Variants in PDS5A observed in about 807,000 individuals in gnomAD.
PDS5A encodes sister chromatid cohesion protein PDS5 homolog A.
Under a neutral mutation model 167.1 loss-of-function variants are expected in PDS5A, and 42 were observed. That is an observed-to-expected ratio of 0.25 (90% CI 0.20 to 0.33). The LOEUF is 0.33. Among genes scored for constraint, PDS5A ranks in the 10% least tolerant of loss-of-function variants. The pLI is 1.00. For synonymous variants in PDS5A, 553 were observed against 554.6 expected (o/e 1.00, Z 0.04); for missense variants, 1,033 against 1,605.9 (o/e 0.64, Z 6.10).
intron 2 of PDS5A, among the ~76,000 whole-genome samples, chr4:39,963,563 T>G (rs1729698508): frequency 6.6e-6 from 1 of 151,290 alleles, no homozygotes; most frequent in African/African-American, 2.4e-5. Flanking sequence ...AATAAACGGT[T>G]GACTGGGCAC....
chr4:39,955,591 ACT>A (rs562136118), intron 2 of PDS5A, among the ~76,000 whole-genome samples: 7 of 151,744 alleles, frequency 4.6e-5, no homozygotes, highest in Non-Finnish European at 1.0e-4. Flanking sequence ...ACAGAGCGAG[ACT>A]CTGTCATAAA....
intron 2 of PDS5A, among the ~76,000 whole-genome samples, chr4:39,951,095 G>A (rs1578810383): frequency 6.6e-6 from 1 of 152,050 alleles, no homozygotes; most frequent in Non-Finnish European, 1.5e-5. Flanking sequence ...GCTTCACTAT[G>A]TTGCCCAGGC....
intron 7 of PDS5A, among the ~76,000 whole-genome samples, chr4:39,919,515 G>A (rs1021615923): frequency 8.6e-5 from 13 of 151,956 alleles, no homozygotes; most frequent in Non-Finnish European, 1.2e-4. Context: ...TGTGGTGGCG[G>A]GTGCCTGTAG....
intron 16 of PDS5A, chr4:39,897,959 T>G: frequency 1.2e-6 from 1 of 802,326 alleles, no homozygotes; most frequent in Non-Finnish European, 1.5e-6. Flanking sequence ...AAGAGAAGAA[T>G]GAAGACAAAA....
intron 5 of PDS5A, 139 bp downstream of exon 5, chr4:39,925,697 T>C: frequency 2.7e-6 from 1 of 366,336 alleles, no homozygotes; most frequent in Non-Finnish European, 5.1e-6. Context: ...GAATTTTTAC[T>C]TTCCCCTTTA....
intron 8 of PDS5A, 106 bp from the exon 9 acceptor site, chr4:39,913,832 C>A: frequency 1.4e-6 from 1 of 697,924 alleles, no homozygotes; most frequent in South Asian, 1.6e-5. Context: ...CTGCTTATAA[C>A]TGTGAGAAGT....
At chr4:39,899,390 G>A (rs1400034037) in intron 14 of PDS5A, among the ~76,000 whole-genome samples, 1 of 152,066 alleles carries the variant, frequency 6.6e-6, no homozygotes, top group East Asian at 1.9e-4. Context: ...AGAAAACTAT[G>A]CCCCCATGAG....
chr4:39,863,285 T>A, intron 24 of PDS5A, 51 bp downstream of exon 24: 2 of 1,358,392 alleles, frequency 1.5e-6, no homozygotes, highest in Non-Finnish European at 2.0e-6. Context: ...AGAAAAGTAA[T>A]GTATTCAACT....
At chr4:39,905,101 A>ATC (rs1723218188) in intron 11 of PDS5A, among the ~76,000 whole-genome samples, 1 of 151,834 alleles carries the variant, frequency 6.6e-6, no homozygotes, top group Non-Finnish European at 1.5e-5. Flanking sequence ...GACTTGGGGA[A>ATC]CTGACTACCC....
chr4:39,912,240 A>T (rs1289334852), intron 9 of PDS5A, among the ~76,000 whole-genome samples: 5 of 152,248 alleles, frequency 3.3e-5, no homozygotes. Context: ...CAGAGACACC[A>T]CTACAGTTAG....
chr4:39,876,311 A>C (rs1263519693), intron 19 of PDS5A, among the ~76,000 whole-genome samples: 2 of 152,216 alleles, frequency 1.3e-5, no homozygotes, highest in Non-Finnish European at 2.9e-5. Flanking sequence ...AATGCGGAGA[A>C]TGAAGAGAAT....
At chr4:39,924,597 G>A (rs1457655336) in intron 5 of PDS5A, among the ~76,000 whole-genome samples, 1 of 152,206 alleles carries the variant, frequency 6.6e-6, no homozygotes, top group Admixed American at 6.5e-5. Flanking sequence ...CAAGCCATTT[G>A]CCACATATGG....
chr4:39,974,112 ACT>A (rs1475506929), intron 2 of PDS5A: 16 of 559,324 alleles, frequency 2.9e-5, no homozygotes, highest in African/African-American at 2.8e-4. Context: ...ACAGAGCGAG[ACT>A]CTGTCTCAAA....
Position 39,823,226 on chromosome 4 carries a change from T to TA in PDS5A, c.*2258dup, listed in dbSNP as rs777860343. On this transcript the variant is annotated 3_prime_UTR_variant, in exon 33 of 33. Transcript: ENST00000303538. Reference sequence around the variant, plus strand: ...AATGTTTTCCTTTGAAAAGGAAAACTAAAAAAATTCCCGTAAACAAGTCCC... The same window carrying TA: ...AATGTTTTCCTTTGAAAAGGAAAACTAAAAAAAATTCCCGTAAACAAGTCCC... 6.6e-6 allele frequency: 1 copy of TA among 152,266 alleles called. No homozygotes were observed. Among genetic ancestry groups the TA allele is most frequent in the East Asian group, 1.9e-4 (1 of 5,202 alleles). 9.4% of individuals were successfully genotyped at this position (152,266 alleles called of 1,614,324 possible).
intron 2 of PDS5A, chr4:39,932,621 AG>A: frequency 6.5e-6 from 1 of 154,544 alleles, no homozygotes; most frequent in East Asian, 1.9e-4. Flanking sequence ...TCACGAGGTC[AG>A]GAGTTCGAGA....
At position 39,946,309 on chromosome 4, in the gene PDS5A, G is replaced by C. The variant is rs190563815; in HGVS notation, c.139-18145C>G. Among the ~76,000 whole-genome samples, 598 of 151,986 alleles carry C rather than the reference G, an allele frequency of 3.9e-3. 1 individual carries two copies. Among genetic ancestry groups the C allele is most frequent in the Non-Finnish European group, 7.1e-3 (481 of 67,972 alleles). On this transcript the variant is annotated intron_variant, in intron 2 of 32. Transcript: ENST00000303538. Reference sequence around the variant, plus strand: ...AGGCAGATGGAATTAATTATGGCAGGAGCAGTGAGAGTTTAGAGGAAAATC... The same window carrying C: ...AGGCAGATGGAATTAATTATGGCAGCAGCAGTGAGAGTTTAGAGGAAAATC...
chr4:39,916,370 C>T (rs1054475890), intron 8 of PDS5A, among the ~76,000 whole-genome samples: 2 of 152,102 alleles, frequency 1.3e-5, no homozygotes, highest in African/African-American at 4.8e-5. Flanking sequence ...TGTCCTTAAT[C>T]TGTACCATGA....
intron 17 of PDS5A, among the ~76,000 whole-genome samples, chr4:39,888,162 C>T (rs569237944): frequency 5.1e-5 from 7 of 137,842 alleles, no homozygotes; most frequent in Admixed American, 3.9e-4. Context: ...CGCAGAACTG[C>T]GTGAACCTGG....
At chr4:39,948,591 G>T (rs1728018317) in intron 2 of PDS5A, among the ~76,000 whole-genome samples, 1 of 146,834 alleles carries the variant, frequency 6.8e-6, no homozygotes, top group Non-Finnish European at 1.5e-5. Context: ...CCAAAGTGCT[G>T]GGATTACACG....
Sources: allele counts gnomAD v4.1 joint callset (sites outside exome capture counted in the v4.1 genomes callset), GRCh38; gene constraint gnomAD v4.1.1; transcripts MANE v1.5; gene names NCBI Gene and HGNC (gene_info 2026-07-23, HGNC 2026-07-21).